Variants in TSC22D1 observed in about 807,000 individuals in gnomAD.
TSC22D1 encodes TSC22 domain family protein 1.
TSC22D1 carries 9 observed loss-of-function variants against 74.2 expected under a neutral mutation model. That is an observed-to-expected ratio of 0.12 (90% CI 0.07 to 0.21). The LOEUF (loss-of-function observed/expected upper bound fraction) is 0.21. TSC22D1 is among the 10% of genes least tolerant of loss of function. The probability of loss-of-function intolerance (pLI) is 1.00; values close to 1 mark genes in which losing one functional copy is unlikely to be tolerated. For synonymous variants in TSC22D1, 586 were observed against 492.5 expected (o/e 1.19, Z -2.51); for missense variants, 1,427 against 1,304.7 (o/e 1.09, Z -1.44).
At chr13:44,556,742 T>C (rs1882666933) in intron 1 of TSC22D1, among the ~76,000 whole-genome samples, 1 of 152,020 alleles carries the variant, frequency 6.6e-6, no homozygotes. Context: ...GACGCACACC[T>C]GTAATCCCAG....
intron 1 of TSC22D1, among the ~76,000 whole-genome samples, chr13:44,550,964 G>A (rs867248191): frequency 5.3e-5 from 8 of 150,894 alleles, no homozygotes; most frequent in South Asian, 4.2e-4. Flanking sequence ...AAAATAAACC[G>A]GGCATGGTGG....
At chr13:44,563,345 AT>A (rs1219121371) in intron 1 of TSC22D1, among the ~76,000 whole-genome samples, 1 of 152,200 alleles carries the variant, frequency 6.6e-6, no homozygotes, top group East Asian at 1.9e-4. Context: ...TGTACTGAAC[AT>A]TTTACAATGA....
intron 1 of TSC22D1, among the ~76,000 whole-genome samples, chr13:44,542,194 G>T (rs1881512920): frequency 6.6e-6 from 1 of 151,790 alleles, no homozygotes; most frequent in Admixed American, 6.6e-5. Context: ...TTCAGTTCTT[G>T]AATACTAATC....
intron 1 of TSC22D1, among the ~76,000 whole-genome samples, chr13:44,489,206 C>CAA (rs34867283): frequency 0.024 from 3,286 of 134,628 alleles, 85 homozygotes; most frequent in African/African-American, 0.069. Flanking sequence ...TCATTTCATG[C>CAA]AAAAAAAAAA....
intron 1 of TSC22D1, chr13:44,539,106 G>C: frequency 1.2e-5 from 12 of 985,160 alleles, no homozygotes; most frequent in Non-Finnish European, 1.4e-5. Context: ...TCTAGGAAAG[G>C]GTTCTTTTAC....
chr13:44,509,389 A>G, intron 1 of TSC22D1, among the ~76,000 whole-genome samples: 1 of 152,264 alleles, frequency 6.6e-6, no homozygotes, highest in Admixed American at 6.5e-5. Context: ...CTGTAATCCC[A>G]GCACTTTGGG....
At chr13:44,540,298 T>C (rs1261530353) in intron 1 of TSC22D1, among the ~76,000 whole-genome samples, 1 of 152,164 alleles carries the variant, frequency 6.6e-6, no homozygotes, top group Non-Finnish European at 1.5e-5. Context: ...CAGTTAATTC[T>C]TCTGTCAAAG....
Position 44,574,554 on chromosome 13 carries a change from C to G in TSC22D1, c.1521G>C (p.Gln507His), listed in dbSNP as rs1884054240. 6.8e-6 allele frequency: 11 copies of G among 1,613,906 alleles called. No homozygotes were observed. The highest frequency in any genetic ancestry group is 9.3e-6 in the Non-Finnish European group (11 of 1,179,994). ...TCACACCTTGGAGAGCTGGTTGTTG[C>G]TGTTGTTGTTGTTGTTGCTGCTGCT... ...QQQQQQQQQQ[Q>H]QQPALQGVTL... The change falls in exon 1 of 3, where the codon CAG becomes CAC. Residue 507 changes from glutamine to histidine, a missense_variant. Physicochemically the swap from Gln to His is conservative, Grantham distance 24. This residue lies in a region of TSC22D1 where 1,343 missense variants were observed against 1,191.5 expected (regional missense o/e 1.13). Coordinates refer to ENST00000458659, the MANE Select transcript of TSC22D1 (RefSeq NM_183422.4).
At position 44,434,667 on chromosome 13, in the gene TSC22D1, G is replaced by C. The variant is rs1444483313; in HGVS notation, c.3181C>G (p.Pro1061Ala). The change falls in exon 3 of 3, where the codon CCC becomes GCC. Residue 1061 changes from proline to alanine, a missense_variant. By Grantham distance (27) the Pro-to-Ala change is conservative (BLOSUM62 -1). Coordinates refer to ENST00000458659, the MANE Select transcript of TSC22D1 (RefSeq NM_183422.4). ...GAGCCCTGCGATGCTGGCTGGGCGGGGGGCTGTGTGGTGCCCTGTGGCTGG... is the reference window on the plus strand; with the variant it reads ...GAGCCCTGCGATGCTGGCTGGGCGGCGGGCTGTGTGGTGCCCTGTGGCTGG... ...TTQPQGTTQP[P>A]AQPASQGSGP... 1 of 1,598,448 alleles carries C rather than the reference G, an allele frequency of 6.3e-7. No homozygotes were observed.
intron 1 of TSC22D1, among the ~76,000 whole-genome samples, chr13:44,496,364 T>C (rs1878976753): frequency 6.6e-6 from 1 of 152,072 alleles, no homozygotes; most frequent in African/African-American, 2.4e-5. Flanking sequence ...AGGGAGACCC[T>C]GTCTCCACAA....
chr13:44,576,224 T>C lies in TSC22D1; in HGVS notation c.-150A>G. ...CCTCCTCCTCAGCCAAAGGCGCCGGTCGCTCCTGCCTTCGAGAGCGAGCTT... is the reference window on the plus strand; with the variant it reads ...CCTCCTCCTCAGCCAAAGGCGCCGGCCGCTCCTGCCTTCGAGAGCGAGCTT... On this transcript the variant is annotated 5_prime_UTR_variant, in exon 1 of 3. Coordinates refer to ENST00000458659, the MANE Select transcript of TSC22D1 (RefSeq NM_183422.4). 1.7e-6 allele frequency: 2 copies of C among 1,189,464 alleles called. No individual in the cohort carries two copies. The highest frequency in any genetic ancestry group is 2.3e-6 in the Non-Finnish European group (2 of 880,122). 73.7% of individuals were successfully genotyped at this position (1,189,464 alleles called of 1,614,324 possible).
In TSC22D1 at chr13:44,473,912, G is replaced by C. The variant is rs145276713; in HGVS notation, c.2913-37817C>G. On this transcript the variant is annotated intron_variant, in intron 1 of 2. Transcript: ENST00000458659. ...ACTGAGGAGTCCAACAAATTAAAAA[G>C]CTGTTATGCAACTAAATGTTTAAAG... Among the ~76,000 whole-genome samples, 1,003 of 152,208 alleles carry C rather than the reference G, an allele frequency of 6.6e-3. 9 individuals are homozygous for C. The highest frequency in any genetic ancestry group is 0.024 in the Middle Eastern group (7 of 294).
intron 1 of TSC22D1, chr13:44,539,714 G>A (rs754464683): frequency 3.6e-5 from 43 of 1,206,742 alleles, no homozygotes; most frequent in African/African-American, 4.8e-5. Context: ...ATGGGCAATG[G>A]AAGGACACTC....
chr13:44,539,930 TAGAG>T (rs1341330101), intron 1 of TSC22D1: 2 of 1,289,418 alleles, frequency 1.6e-6, no homozygotes, highest in Non-Finnish European at 2.0e-6. Flanking sequence ...AGCACTGAAA[TAGAG>T]AGCTGAATAT....
chr13:44,462,004 A>G (rs1019731396), intron 1 of TSC22D1, among the ~76,000 whole-genome samples: 1 of 152,238 alleles, frequency 6.6e-6, no homozygotes, highest in Non-Finnish European at 1.5e-5. Flanking sequence ...GGAAGGCAAA[A>G]GCAGAGACCA....
intron 1 of TSC22D1, among the ~76,000 whole-genome samples, chr13:44,451,968 C>T (rs1310627682): frequency 1.3e-5 from 2 of 152,214 alleles, no homozygotes; most frequent in Non-Finnish European, 2.9e-5. Context: ...TTTGCGCTCC[C>T]AGCCCCACAT....
At chr13:44,522,313 T>C (rs560473945) in intron 1 of TSC22D1, among the ~76,000 whole-genome samples, 3 of 152,310 alleles carry the variant, frequency 2.0e-5, no homozygotes, top group African/African-American at 7.2e-5. Flanking sequence ...TCACAGGCCA[T>C]GATAAAGAAT....
intron 1 of TSC22D1, among the ~76,000 whole-genome samples, chr13:44,514,509 C>G (rs1053116708): frequency 1.3e-5 from 2 of 151,978 alleles, no homozygotes; most frequent in African/African-American, 4.8e-5. Context: ...AAAACACACA[C>G]ATACACACAC....
chr13:44,574,577 G>C lies in TSC22D1; in HGVS notation c.1498C>G (p.Gln500Glu). Reference protein sequence around the residue: ...GAPTVVVQQQQQQQQQQQQQP... With the variant: ...GAPTVVVQQQEQQQQQQQQQP... ...TGCTGTTGTTGTTGTTGTTGCTGCT[G>C]CTGCTGCTGCACCACCACAGTAGGG... The change falls in exon 1 of 3, where the codon CAG becomes GAG. Residue 500 changes from glutamine to glutamate, a missense_variant. Transcript: ENST00000458659. 6.2e-7 allele frequency: 1 copy of C among 1,613,960 alleles called. No individual in the cohort carries two copies.
Sources: allele counts gnomAD v4.1 joint callset (sites outside exome capture counted in the v4.1 genomes callset), GRCh38; gene constraint gnomAD v4.1.1; regional missense constraint gnomAD v4.1.1; transcripts MANE v1.5; gene names NCBI Gene and HGNC (gene_info 2026-07-23, HGNC 2026-07-21).